The following RHOQ variants were observed in gnomAD, a reference collection of about 807,000 sequenced individuals.
RHOQ encodes the protein ras homolog family member Q.
In RHOQ, 7 loss-of-function variants were observed where a neutral mutation model predicts 25.8. The ratio of observed to expected loss-of-function variants is 0.27; its 90% CI spans 0.15 to 0.51. RHOQ has a LOEUF of 0.51. Ranked by LOEUF, RHOQ falls within the 20% of genes least tolerant of loss-of-function variation. The probability of loss-of-function intolerance (pLI) is 0.97; values close to 1 mark genes in which losing one functional copy is unlikely to be tolerated. For synonymous variants in RHOQ, 97 were observed against 98.6 expected (o/e 0.98, Z 0.10); for missense variants, 165 against 260.6 (o/e 0.63, Z 2.53).
intron 2 of RHOQ, among the ~76,000 whole-genome samples, chr2:46,560,217 C>T (rs547551262): frequency 2.5e-4 from 38 of 152,266 alleles, no homozygotes; most frequent in Admixed American, 6.5e-4. Context: ...AATTTGGCTC[C>T]GTGGGCCTGT....
chr2:46,562,666 C>T (rs1668611440), intron 2 of RHOQ, among the ~76,000 whole-genome samples: 1 of 152,198 alleles, frequency 6.6e-6, no homozygotes, highest in South Asian at 2.1e-4. Context: ...GAGAGGACTC[C>T]GTGGCCACAT....
chr2:46,559,885 AG>A (rs760970334), intron 2 of RHOQ, among the ~76,000 whole-genome samples: 20 of 152,082 alleles, frequency 1.3e-4, no homozygotes, highest in Non-Finnish European at 2.9e-4. Flanking sequence ...AAAGAAGCAG[AG>A]TGTTGGAGGG....
In RHOQ at chr2:46,548,377, A is replaced by G. The variant is rs1668139390; in HGVS notation, c.201+4565A>G. 6.6e-6 allele frequency among the ~76,000 whole-genome samples: 1 copy of G among 152,156 alleles called. No homozygotes were observed. Among genetic ancestry groups the G allele is most frequent in the Non-Finnish European group, 1.5e-5 (1 of 68,024 alleles). On this transcript the variant is annotated intron_variant, in intron 2 of 4. Transcript: ENST00000238738. This position sits in a 1 kb window ranked among gnomAD's most constrained non-coding sequence, Gnocchi z 5.2. ...CATTTTAGCAGAAGGGCCTGGCATG[A>G]TGAGAAAAGGGAAGGAGAAAGGGCC... is the stretch of plus-strand genomic sequence containing the variant.
At chr2:46,580,036 T>C (rs1669293264) in intron 4 of RHOQ, 1 of 152,440 alleles carries the variant, frequency 6.6e-6, no homozygotes, top group Non-Finnish European at 1.5e-5. Context: ...CCAACTCACC[T>C]TTCTGCTTCT....
At chr2:46,575,716 T>C (rs935460218) in intron 2 of RHOQ, among the ~76,000 whole-genome samples, 3 of 152,306 alleles carry the variant, frequency 2.0e-5, no homozygotes, top group South Asian at 2.1e-4. Flanking sequence ...GCCTGACACA[T>C]AGTAAATATT....
At chr2:46,544,093 T>C (rs1177807342) in intron 2 of RHOQ, among the ~76,000 whole-genome samples, 1 of 152,120 alleles carries the variant, frequency 6.6e-6, no homozygotes, top group Non-Finnish European at 1.5e-5. Context: ...CCAACTCCTG[T>C]TGCAAAGTGG....
chr2:46,579,844 A>AG lies in RHOQ; in HGVS notation c.463-1084_463-1083insG, dbSNP rs71829021. On this transcript the variant is annotated intron_variant, in intron 4 of 4. Coordinates refer to ENST00000238738, the MANE Select transcript of RHOQ (RefSeq NM_012249.4). ...TGGGCAACAAGAGTGAAACTGTCTC[A>AG]AAAAAAAAAAAAAGCCCTGAAGTCG... Among the ~76,000 whole-genome samples the AG allele has an allele frequency of 7.9e-5, 6 of 76,374 alleles. No individual in the cohort carries two copies. In the South Asian group the frequency reaches 2.8e-3, roughly 36 times the overall value. 50.1% of individuals were successfully genotyped at this position (76,374 alleles called of 152,430 possible).
intron 2 of RHOQ, among the ~76,000 whole-genome samples, chr2:46,551,257 C>A (rs1336877682): frequency 4.6e-5 from 7 of 152,198 alleles, no homozygotes; most frequent in Admixed American, 4.6e-4. Flanking sequence ...TGGGACAAGC[C>A]ATGGCTCAGG....
intron 2 of RHOQ, among the ~76,000 whole-genome samples, chr2:46,554,489 T>C (rs1668352157): frequency 6.6e-6 from 1 of 152,210 alleles, no homozygotes; most frequent in African/African-American, 2.4e-5. Flanking sequence ...AGGGCTCTGT[T>C]CATTGTGGCT....
At chr2:46,557,974 T>C (rs978746629) in intron 2 of RHOQ, among the ~76,000 whole-genome samples, 3 of 152,236 alleles carry the variant, frequency 2.0e-5, no homozygotes, top group African/African-American at 7.2e-5. Context: ...TAGTGTACTA[T>C]GATTATATTT....
rs1669115455 is a variant in RHOQ at position 46,576,114 on chromosome 2, T to A, written c.229T>A (p.Ser77Thr). 1 of 1,611,414 alleles carries A rather than the reference T, an allele frequency of 6.2e-7. No individual in the cohort carries two copies. Among genetic ancestry groups the A allele is most frequent in the African/African-American group, 1.3e-5 (1 of 74,586 alleles). The change falls in exon 3 of 5, where the codon TCT becomes ACT. Residue 77 changes from serine (S) to threonine (T), a missense_variant. Ser to Thr is a moderately conservative substitution (Grantham distance 58). Transcript: ENST00000238738. The surrounding 1 kb of genome is among the most constrained non-coding windows in gnomAD (Gnocchi z 5.1). Reference protein sequence around the residue: ...QEDYDRLRPLSYPMTDVFLIC... With the variant: ...QEDYDRLRPLTYPMTDVFLIC... ...AGACTATGACCGTCTGAGGCCTTTA[T>A]CTTACCCAATGACCGATGTCTTCCT...
intron 1 of RHOQ, 85 bp downstream of exon 1, chr2:46,543,273 C>A (rs1201146170): frequency 1.1e-5 from 16 of 1,505,260 alleles, no homozygotes; most frequent in Non-Finnish European, 1.3e-5. Flanking sequence ...TCGCCGCCTC[C>A]CCAGAGCGCA....
intron 1 of RHOQ, 66 bp downstream of exon 1, chr2:46,543,254 G>A (rs1053426626): frequency 6.3e-7 from 1 of 1,586,676 alleles, no homozygotes. Context: ...CAACTTTGGC[G>A]GAGCCCCCTC....
chr2:46,579,191 G>C (rs1206995563), intron 4 of RHOQ, among the ~76,000 whole-genome samples: 1 of 152,218 alleles, frequency 6.6e-6, no homozygotes, highest in Non-Finnish European at 1.5e-5. Context: ...CGTCCTTCCT[G>C]AAACTTTCTT....
At chr2:46,575,401 A>T (rs1669080816) in intron 2 of RHOQ, among the ~76,000 whole-genome samples, 1 of 42,480 alleles carries the variant, frequency 2.4e-5, no homozygotes, top group African/African-American at 2.4e-4. Context: ...TTAAATCTTC[A>T]CACACACACA....
chr2:46,544,066 C>T (rs896563047), intron 2 of RHOQ, among the ~76,000 whole-genome samples: 4 of 152,162 alleles, frequency 2.6e-5, no homozygotes, highest in African/African-American at 9.7e-5. Context: ...TTCTGTGTGG[C>T]GCCTGGTGTG....
intron 2 of RHOQ, among the ~76,000 whole-genome samples, chr2:46,550,954 G>T (rs1668221587): frequency 6.6e-6 from 1 of 152,138 alleles, no homozygotes. Context: ...GTGCTGCAGG[G>T]TCCCACACAG....
intron 2 of RHOQ, among the ~76,000 whole-genome samples, chr2:46,565,192 G>A (rs1167874849): frequency 6.6e-6 from 1 of 152,156 alleles, no homozygotes; most frequent in Non-Finnish European, 1.5e-5. Flanking sequence ...GCAGGAGTGG[G>A]GAATGAAACT....
At chr2:46,544,874 G>A (rs1002596341) in intron 2 of RHOQ, among the ~76,000 whole-genome samples, 1 of 152,232 alleles carries the variant, frequency 6.6e-6, no homozygotes, top group African/African-American at 2.4e-5. Flanking sequence ...TGCAGATATT[G>A]TATGGCAAAT....
Sources: allele counts gnomAD v4.1 joint callset (sites outside exome capture counted in the v4.1 genomes callset), GRCh38; gene constraint gnomAD v4.1.1; non-coding constraint Gnocchi (gnomAD v3.1); transcripts MANE v1.5; gene names NCBI Gene and HGNC (gene_info 2026-07-23, HGNC 2026-07-21).